MED15: variants seen among roughly 807,000 people sequenced by gnomAD.
The protein encoded by MED15 is mediator complex subunit 15, also known as mediator of RNA polymerase II transcription subunit 15.
MED15 carries 41 observed loss-of-function variants against 118.7 expected under a neutral mutation model. The observed-to-expected ratio is 0.35, with a 90% CI of 0.27 to 0.45. MED15 has a LOEUF of 0.45. Among genes scored for constraint, MED15 ranks in the 20% least tolerant of loss-of-function variants. The pLI, the probability that MED15 is intolerant of heterozygous loss-of-function variation, is 1.00. For missense variants in MED15, 740 were observed against 1,025.5 expected (o/e 0.72, Z 3.80); for synonymous variants, 436 against 413.9 (o/e 1.05, Z -0.65).
At chr22:20,546,789 C>T (rs35724035) in intron 2 of MED15, among the ~76,000 whole-genome samples, 17,125 of 152,032 alleles carry the variant, frequency 0.11, 1,273 homozygotes, top group Non-Finnish European at 0.15. Context: ...GGCCCTCACA[C>T]AACCTCTTTA....
At position 20,584,359 on chromosome 22, in the gene MED15, G is replaced by A; in HGVS notation, c.1737G>A (p.Arg579=). The stretch of plus-strand genomic sequence containing the variant: ...CAGCCCAAGTCCTCTCTCTCTGCAG[G>A]TGTCCCCTGAAGACCTTGCAAAAGT... ...LLDILTDPSK[R]CPLKTLQKCE... Residue 579 remains arginine, a splice_region_variant and synonymous_variant, in exon 14 of 18, where the codon CGG becomes CGA. Transcript: ENST00000263205. The A allele has an allele frequency of 2.5e-6, 4 of 1,613,696 alleles. No homozygotes were observed. The South Asian group carries it at 4.4e-5, about 18-fold the overall frequency.
chr22:20,530,421 CT>C (rs1267690959), intron 1 of MED15, among the ~76,000 whole-genome samples: 1 of 152,194 alleles, frequency 6.6e-6, no homozygotes, highest in East Asian at 1.9e-4. Flanking sequence ...TCCTGCCCCC[CT>C]GAGGTCAGGA....
At chr22:20,566,930 C>A in intron 7 of MED15, 113 bp downstream of exon 7, 2 of 1,526,414 alleles carry the variant, frequency 1.3e-6, no homozygotes, top group Middle Eastern at 1.8e-4. Flanking sequence ...GCTGAGACTT[C>A]AGGCAGCCCC....
intron 9 of MED15, among the ~76,000 whole-genome samples, chr22:20,578,552 G>A (rs1469663593): frequency 1.3e-5 from 2 of 152,246 alleles, no homozygotes; most frequent in South Asian, 2.1e-4. Flanking sequence ...GGCTCCAGAG[G>A]TGTGCCTCTG....
chr22:20,511,806 T>A (rs2054073925), intron 1 of MED15, among the ~76,000 whole-genome samples: 1 of 151,958 alleles, frequency 6.6e-6, no homozygotes, highest in Non-Finnish European at 1.5e-5. Context: ...CAAGTGAGGG[T>A]GAGGCCTAAA....
intron 1 of MED15, among the ~76,000 whole-genome samples, chr22:20,513,913 G>T (rs957753593): frequency 2.0e-5 from 3 of 152,168 alleles, no homozygotes; most frequent in Admixed American, 1.3e-4. Flanking sequence ...CTCCAGGTTG[G>T]AGTGCAGTGG....
chr22:20,571,133 G>C (rs948324599), intron 8 of MED15, among the ~76,000 whole-genome samples: 2 of 152,196 alleles, frequency 1.3e-5, no homozygotes, highest in African/African-American at 2.4e-5. Flanking sequence ...TTTTCAGCTG[G>C]TGCAGGCCCA....
At chr22:20,529,935 G>A (rs1032771204) in intron 1 of MED15, among the ~76,000 whole-genome samples, 3 of 151,512 alleles carry the variant, frequency 2.0e-5, no homozygotes, top group Non-Finnish European at 4.4e-5. Flanking sequence ...TGTTGGCCAG[G>A]CTGGTCTCGA....
intron 1 of MED15, among the ~76,000 whole-genome samples, chr22:20,535,523 C>A (rs1018382763): frequency 6.6e-6 from 1 of 152,050 alleles, no homozygotes; most frequent in African/African-American, 2.4e-5. Flanking sequence ...CCCCAGAGCC[C>A]TGACATGTTT....
rs144351956 is a variant in MED15, at chr22:20,582,914, C to G, written c.1484C>G (p.Ala495Gly). The change falls in exon 11 of 18, where the codon GCG (alanine) becomes GGG (glycine). Residue 495 changes from alanine (A) to glycine (G), a missense_variant. Ala to Gly is a moderately conservative substitution (Grantham distance 60, BLOSUM62 0). Transcript: ENST00000263205. ...CAGCCCTCCCAGAGCCCAGTGACGG[C>G]GCGGACCCCACAGAACTTCAGTGTC... ...SPQPSQSPVT[A>G]RTPQNFSVPS... is the part of the protein sequence containing the mutation. 5 of 1,613,598 alleles carry G rather than the reference C, an allele frequency of 3.1e-6. No individual in the cohort carries two copies. Among genetic ancestry groups the G allele is most frequent in the African/African-American group, 2.7e-5 (2 of 74,922 alleles).
intron 3 of MED15, among the ~76,000 whole-genome samples, chr22:20,551,961 G>A (rs984706941): frequency 7.2e-5 from 11 of 152,204 alleles, no homozygotes; most frequent in Non-Finnish European, 1.2e-4. Context: ...GAGGGCCCCC[G>A]TGTTAACCTC....
intron 2 of MED15, among the ~76,000 whole-genome samples, chr22:20,548,153 TTTTTTG>T (rs1307507732): frequency 7.4e-6 from 1 of 134,952 alleles, no homozygotes; most frequent in East Asian, 4.9e-4. Flanking sequence ...TTGATTTGTT[TTTTTTG>T]TTTTTTGTTT....
At chr22:20,531,933 A>T (rs943260567) in intron 1 of MED15, among the ~76,000 whole-genome samples, 3 of 152,200 alleles carry the variant, frequency 2.0e-5, no homozygotes, top group African/African-American at 7.2e-5. Context: ...TAGTCAGGCA[A>T]TGTGCCAGGT....
chr22:20,584,554 C>G, intron 14 of MED15, 129 bp downstream of exon 14: 1 of 1,129,484 alleles, frequency 8.9e-7, no homozygotes, highest in South Asian at 1.3e-5. Context: ...ACCCTGCCCA[C>G]GAGGCTTCCT....
chr22:20,541,650 A>ATTT (rs35805990), intron 2 of MED15, among the ~76,000 whole-genome samples: 9 of 125,516 alleles, frequency 7.2e-5, no homozygotes, highest in Non-Finnish European at 5.0e-5. Flanking sequence ...CACCCAGCTA[A>ATTT]TTTTTTTTTT....
At chr22:20,549,171 G>T (rs948405416) in intron 2 of MED15, among the ~76,000 whole-genome samples, 10 of 152,148 alleles carry the variant, frequency 6.6e-5, no homozygotes, top group African/African-American at 2.4e-4. Context: ...CTGCCTCTGG[G>T]TGGTTGGGAG....
rs568580227 is a variant in MED15, at chr22:20,541,105, G to C, written c.156+3901G>C. On this transcript the variant is annotated intron_variant, in intron 2 of 17. Coordinates refer to ENST00000263205, the MANE Select transcript of MED15 (RefSeq NM_001003891.3). ...GGAAAAAAAATTAGCCAGGCGTGGT[G>C]GTGGGCGCCTGTAGTCCCAGCTACT... Among the ~76,000 whole-genome samples, 14 of 152,238 alleles carry C rather than the reference G, an allele frequency of 9.2e-5. 1 individual carries two copies. The East Asian group carries it at 2.7e-3, about 29-fold the overall frequency.
intron 1 of MED15, chr22:20,508,188 T>C: frequency 1.6e-6 from 2 of 1,215,522 alleles, no homozygotes; most frequent in Non-Finnish European, 2.1e-6. Context: ...TAAGATGAGA[T>C]TGGGAAGGTA....
chr22:20,549,625 G>T (rs1469451327), intron 2 of MED15, among the ~76,000 whole-genome samples: 1 of 152,176 alleles, frequency 6.6e-6, no homozygotes, highest in Non-Finnish European at 1.5e-5. Context: ...GCCTTTGGGG[G>T]AATGTAGGAA....
Sources: allele counts gnomAD v4.1 joint callset (sites outside exome capture counted in the v4.1 genomes callset), GRCh38; gene constraint gnomAD v4.1.1; transcripts MANE v1.5; gene names NCBI Gene and HGNC (gene_info 2026-07-23, HGNC 2026-07-21).